The following FOLR3 variants were observed in gnomAD, a reference collection of about 807,000 sequenced individuals.
The protein encoded by FOLR3 is folate receptor 3 (gamma).
In FOLR3, 9 loss-of-function variants were observed where a neutral mutation model predicts 20.0. The observed-to-expected ratio is 0.45, with a 90% confidence interval of 0.27 to 0.79. The LOEUF is 0.79. Among genes scored for constraint, FOLR3 ranks in the 30% least tolerant of loss-of-function variants. The pLI is 0.15. For missense variants in FOLR3, 309 were observed against 323.5 expected (o/e 0.96, Z 0.34); for synonymous variants, 124 against 115.5 (o/e 1.07, Z -0.47).
intron 3 of FOLR3, 74 bp downstream of exon 3, chr11:72,139,223 G>A: frequency 1.3e-6 from 2 of 1,564,066 alleles, no homozygotes; most frequent in South Asian, 2.4e-5. Context: ...GGGAGGGCTT[G>A]GTCCAGGAAT....
intron 2 of FOLR3, among the ~76,000 whole-genome samples, chr11:72,136,837 G>A (rs1171000229): frequency 6.6e-6 from 1 of 152,146 alleles, no homozygotes; most frequent in Non-Finnish European, 1.5e-5. Flanking sequence ...CTATAGCAAG[G>A]GAGTTCTTCT....
chr11:72,139,517 G>A, intron 4 of FOLR3, 35 bp downstream of exon 4: 4 of 1,613,228 alleles, frequency 2.5e-6, no homozygotes, highest in Non-Finnish European at 3.4e-6. Context: ...AGGAGTGGGA[G>A]TGGGGCTTTG....
chr11:72,136,179 A>T, intron 2 of FOLR3, 59 bp downstream of exon 2: 3 of 1,590,192 alleles, frequency 1.9e-6, no homozygotes, highest in Non-Finnish European at 2.6e-6. Flanking sequence ...TGGCACGAGC[A>T]ATGGCAGGTC....
chr11:72,135,949 A>G lies in FOLR3; in HGVS notation c.-4A>G. Reference sequence around the variant, plus strand: ...CTCTGACTGTGGCTCTCTGGCAGGAATAGATGGACATGGCCTGGCAGATGA... The same window carrying G: ...CTCTGACTGTGGCTCTCTGGCAGGAGTAGATGGACATGGCCTGGCAGATGA... On this transcript the variant is annotated splice_region_variant and 5_prime_UTR_variant, in exon 2 of 5. Transcript: ENST00000611028. 2 of 1,608,382 alleles carry G rather than the reference A, an allele frequency of 1.2e-6. No individual in the cohort carries two copies. Among genetic ancestry groups the G allele is most frequent in the South Asian group, 2.2e-5 (2 of 91,062 alleles).
Position 72,139,026 on chromosome 11 carries a change from C to T in FOLR3, c.234C>T (p.Thr78=). 1 of 1,614,018 alleles carries T rather than the reference C, an allele frequency of 6.2e-7. No homozygotes were observed. Among genetic ancestry groups the T allele is most frequent in the African/African-American group, 1.3e-5 (1 of 75,036 alleles). Residue 78 remains threonine, a synonymous_variant, in exon 3 of 5, where the codon ACC becomes ACT. Transcript: ENST00000611028. ...CCAGCCAGGAGCTGCACAAGGACAC[C>T]TCCCGCCTGTACAACTTTAACTGGG... The part of the protein sequence containing the change: ...ASTSQELHKD[T]SRLYNFNWDH...
chr11:72,136,517 G>C (rs927677795), intron 2 of FOLR3, among the ~76,000 whole-genome samples: 5 of 148,392 alleles, frequency 3.4e-5, no homozygotes, highest in African/African-American at 1.3e-4. Context: ...TTTAAATCGG[G>C]GTTAAAAAAA....
rs1415615821 is a variant in FOLR3, at chr11:72,139,612, C to A, written c.519C>A (p.Ala173=). 6.2e-7 allele frequency: 1 copy of A among 1,613,692 alleles called. No homozygotes were observed. The highest frequency in any genetic ancestry group is 1.7e-5 in the Admixed American group (1 of 60,018). ...GGATTAATGAGTGTCCGGCCGGGGC[C>A]CTCTGCAGCACCTTTGAGTCCTACT... ...TSGINECPAG[A]LCSTFESYFP... Residue 173 remains alanine (A), a synonymous_variant, in exon 5 of 5, where the codon GCC becomes GCA. Transcript: ENST00000611028.
At chr11:72,135,842 G>T in intron 1 of FOLR3, 74 bp downstream of exon 1, 2 of 1,225,384 alleles carry the variant, frequency 1.6e-6, no homozygotes, top group Non-Finnish European at 2.4e-6. Flanking sequence ...GGGATGCAGG[G>T]TGGGGACAGC....
chr11:72,136,318 G>A (rs1947741899), intron 2 of FOLR3, among the ~76,000 whole-genome samples, 198 bp downstream of exon 2: 1 of 152,150 alleles, frequency 6.6e-6, no homozygotes, highest in South Asian at 2.1e-4. Context: ...TCCAGGCTCA[G>A]GAGTGTGCTT....
At chr11:72,136,233 G>A in intron 2 of FOLR3, 113 bp downstream of exon 2, 1 of 1,347,948 alleles carries the variant, frequency 7.4e-7, no homozygotes, top group Non-Finnish European at 1.0e-6. Context: ...CAAGGAAGGG[G>A]AGGGGCGGCC....
rs1412289568 is a variant in FOLR3, at chr11:72,139,416, T to C, written c.427T>C (p.Trp143Arg). 11 of 1,612,186 alleles carry C rather than the reference T, an allele frequency of 6.8e-6. No homozygotes were observed. The highest frequency in any genetic ancestry group is 1.6e-4 in the Middle Eastern group (1 of 6,084). Residue 143 changes from tryptophan (W) to arginine (R), a missense_variant, in exon 4 of 5, where the codon TGG becomes CGG. Coordinates refer to ENST00000611028, the MANE Select transcript of FOLR3 (RefSeq NM_000804.4). Reference sequence around the variant, plus strand: ...GTGCAAAGAGGACTGTGAGCGCTGGTGGGAGGACTGTCGCACCTCCTACAC... The same window carrying C: ...GTGCAAAGAGGACTGTGAGCGCTGGCGGGAGGACTGTCGCACCTCCTACAC... ...PLCKEDCERW[W>R]EDCRTSYTCK... is the part of the protein sequence containing the mutation.
intron 2 of FOLR3, among the ~76,000 whole-genome samples, chr11:72,138,531 A>G (rs1015654616): frequency 3.3e-5 from 5 of 152,118 alleles, no homozygotes; most frequent in African/African-American, 1.2e-4. Flanking sequence ...CACGCCTCTA[A>G]TCTTAGTATT....
chr11:72,138,686 T>A, intron 2 of FOLR3: 1 of 492,828 alleles, frequency 2.0e-6, no homozygotes. Flanking sequence ...GTGGGAGGAT[T>A]ATTTGAGCCC....
At chr11:72,137,267 G>T (rs1418282316) in intron 2 of FOLR3, among the ~76,000 whole-genome samples, 1 of 152,022 alleles carries the variant, frequency 6.6e-6, no homozygotes, top group Non-Finnish European at 1.5e-5. Flanking sequence ...TGTCTTACCT[G>T]CCTTGTATTT....
rs1440836231 is a variant in FOLR3 at position 72,139,086 on chromosome 11, C to T, written c.294C>T (p.Arg98=). The part of the protein sequence containing the change: ...HCGKMEPTCK[R]HFIQDSCLYE... ...GTAAGATGGAACCCACCTGCAAGCG[C>T]CACTTTATCCAGGACAGCTGTCTCT... The change falls in exon 3 of 5, where the codon CGC becomes CGT. Residue 98 remains arginine (R), a synonymous_variant. Coordinates refer to ENST00000611028, the MANE Select transcript of FOLR3 (RefSeq NM_000804.4). The T allele has an allele frequency of 1.9e-6, 3 of 1,582,112 alleles. No individual in the cohort carries two copies. Among genetic ancestry groups the T allele is most frequent in the Non-Finnish European group, 2.6e-6 (3 of 1,168,272 alleles).
intron 2 of FOLR3, 119 bp downstream of exon 2, chr11:72,136,239 C>A (rs74710964): frequency 4.1e-6 from 5 of 1,226,018 alleles, no homozygotes; most frequent in East Asian, 2.4e-5. Flanking sequence ...AGGGGAGGGG[C>A]GGCCAGGGCC....
intron 2 of FOLR3, 72 bp downstream of exon 2, chr11:72,136,192 G>T (rs1388019838): frequency 5.1e-6 from 8 of 1,570,090 alleles, no homozygotes; most frequent in African/African-American, 1.3e-5. Flanking sequence ...GGCAGGTCCA[G>T]TGTGGTCAGA....
chr11:72,136,094 A>G lies in FOLR3; in HGVS notation c.142A>G (p.Ser48Gly). 2 of 1,614,084 alleles carry G rather than the reference A, an allele frequency of 1.2e-6. No individual in the cohort carries two copies. Among genetic ancestry groups the G allele is most frequent in the Non-Finnish European group, 1.7e-6 (2 of 1,179,934 alleles). Residue 48 changes from serine to glycine, a missense_variant, in exon 2 of 5, where the codon AGC (serine) becomes GGC (glycine). Coordinates refer to ENST00000611028, the MANE Select transcript of FOLR3 (RefSeq NM_000804.4). ...MNAKHHKTQPSPEDELYGQCS... is the reference protein window; with the variant it reads ...MNAKHHKTQPGPEDELYGQCS... ...CGCCAAGCACCACAAGACACAGCCC[A>G]GCCCCGAGGACGAGCTGTATGGCCA... is the stretch of plus-strand genomic sequence containing the variant.
chr11:72,138,953 C>T lies in FOLR3; in HGVS notation c.169-8C>T, dbSNP rs1403351592. On this transcript the variant is annotated splice_region_variant and splice_polypyrimidine_tract_variant and intron_variant, in intron 2 of 4. Coordinates refer to ENST00000611028, the MANE Select transcript of FOLR3 (RefSeq NM_000804.4). ...GGAGAGACTTAGTCCTGTGTCTTCC[C>T]CACCCAGTGCAGTCCCTGGAAGAAG... 6.2e-7 allele frequency: 1 copy of T among 1,613,818 alleles called. No homozygotes were observed. The highest frequency in any genetic ancestry group is 8.5e-7 in the Non-Finnish European group (1 of 1,179,832).
Sources: allele counts gnomAD v4.1 joint callset (sites outside exome capture counted in the v4.1 genomes callset), GRCh38; gene constraint gnomAD v4.1.1; transcripts MANE v1.5; gene names NCBI Gene and HGNC (gene_info 2026-07-23, HGNC 2026-07-21).